The following CAPRIN1 variants were observed in gnomAD, a reference collection of about 807,000 sequenced individuals.
CAPRIN1 encodes the protein caprin-1.
CAPRIN1 carries 29 observed loss-of-function variants against 100.9 expected under a neutral mutation model. That is an observed-to-expected ratio of 0.29 (90% CI 0.21 to 0.39). The LOEUF (loss-of-function observed/expected upper bound fraction) is 0.39, where lower values mean the gene tolerates loss of function less well. Among genes scored for constraint, CAPRIN1 ranks in the 10% least tolerant of loss-of-function variants. CAPRIN1 has a pLI of 1.00. For synonymous variants in CAPRIN1, 338 were observed against 307.5 expected (o/e 1.10, Z -1.04); for missense variants, 795 against 876.7 (o/e 0.91, Z 1.18).
rs2134144548 is a variant in CAPRIN1, at chr11:34,102,569, G to A, written c.*3202G>A. Among the ~76,000 whole-genome samples, 1 of 152,262 alleles carries A rather than the reference G, an allele frequency of 6.6e-6. No individual in the cohort carries two copies. Among genetic ancestry groups the A allele is most frequent in the South Asian group, 2.1e-4 (1 of 4,824 alleles). On this transcript the variant is annotated 3_prime_UTR_variant, in exon 19 of 19. Transcript: ENST00000341394. Reference sequence around the variant, plus strand: ...CCTACAAAAATACTGCAAAAGACTAGTGAATGTTTAAAATTACACTAGATT... The same window carrying A: ...CCTACAAAAATACTGCAAAAGACTAATGAATGTTTAAAATTACACTAGATT...
chr11:34,077,850 C>G (rs1850936406), intron 6 of CAPRIN1, among the ~76,000 whole-genome samples: 1 of 152,128 alleles, frequency 6.6e-6, no homozygotes, highest in Non-Finnish European at 1.5e-5. Context: ...AACATTTACT[C>G]TGGTCTGTAT....
At chr11:34,071,458 T>C (rs1850803207) in intron 2 of CAPRIN1, among the ~76,000 whole-genome samples, 1 of 151,964 alleles carries the variant, frequency 6.6e-6, no homozygotes, top group Admixed American at 6.6e-5. Flanking sequence ...CCAGCTACTT[T>C]AGGGGCTGAT....
chr11:34,052,478 C>T lies in CAPRIN1; in HGVS notation c.58C>T (p.Pro20Ser), dbSNP rs777019072. 2 of 1,607,898 alleles carry T rather than the reference C, an allele frequency of 1.2e-6. No homozygotes were observed. Among genetic ancestry groups the T allele is most frequent in the African/African-American group, 1.3e-5 (1 of 74,694 alleles). ...SGSKSSGPPP[P>S]SGSSGSEAAA... ...CAGCAAGTCGTCCGGACCGCCACCGCCGTCGGGTTCCTCCGGGAGTGAGGC... is the reference window on the plus strand; with the variant it reads ...CAGCAAGTCGTCCGGACCGCCACCGTCGTCGGGTTCCTCCGGGAGTGAGGC... The change falls in exon 2 of 19, where the codon CCG becomes TCG. Residue 20 changes from proline (P) to serine (S), a missense_variant. By Grantham distance (74) the Pro-to-Ser change is moderately conservative. This residue lies in a region of CAPRIN1 where 109 missense variants were observed against 86.6 expected (regional missense o/e 1.26). Transcript: ENST00000341394.
At chr11:34,069,756 A>G (rs1850773413) in intron 2 of CAPRIN1, among the ~76,000 whole-genome samples, 1 of 152,090 alleles carries the variant, frequency 6.6e-6, no homozygotes, top group Admixed American at 6.5e-5. Flanking sequence ...AAAATTGGGT[A>G]CTATTAAAAG....
intron 15 of CAPRIN1, among the ~76,000 whole-genome samples, chr11:34,093,186 A>AT (rs1241480036): frequency 2.5e-4 from 11 of 44,720 alleles, no homozygotes; most frequent in Non-Finnish European, 4.0e-4. Context: ...GATACTTTAG[A>AT]TTTTTTTTTA....
chr11:34,073,757 T>C (rs1850850360), intron 4 of CAPRIN1, among the ~76,000 whole-genome samples: 1 of 152,136 alleles, frequency 6.6e-6, no homozygotes, highest in South Asian at 2.1e-4. Flanking sequence ...ACTTATTACA[T>C]CTGATCAGGG....
In CAPRIN1 at chr11:34,071,975, A is replaced by T. The variant is rs146805547; in HGVS notation, c.354A>T (p.Ala118=). 21 of 1,605,668 alleles carry T rather than the reference A, an allele frequency of 1.3e-5. No homozygotes were observed. The highest frequency in any genetic ancestry group is 1.7e-5 in the Non-Finnish European group (20 of 1,172,868). ...FAKELQRSFM[A]LSQDIQKTIK... The stretch of plus-strand genomic sequence containing the variant: ...AAGAATTACAGAGGAGTTTCATGGC[A>T]CTAAGTCAAGATGTAAGTAAAAGAA... The change falls in exon 4 of 19, where the codon GCA becomes GCT. Residue 118 remains alanine (A), a synonymous_variant. Transcript: ENST00000341394.
At chr11:34,088,633 A>G (rs1327783638) in intron 11 of CAPRIN1, among the ~76,000 whole-genome samples, 1 of 152,216 alleles carries the variant, frequency 6.6e-6, no homozygotes, top group Non-Finnish European at 1.5e-5. Context: ...TGATGGCGCC[A>G]CTGCACTCCA....
At chr11:34,067,661 G>A (rs1011946161) in intron 2 of CAPRIN1, among the ~76,000 whole-genome samples, 1 of 151,832 alleles carries the variant, frequency 6.6e-6, no homozygotes, top group Non-Finnish European at 1.5e-5. Context: ...TCCACGCCTC[G>A]GTAATTTTTA....
At chr11:34,063,427 C>T (rs1850623201) in intron 2 of CAPRIN1, 2 of 152,158 alleles carry the variant, frequency 1.3e-5, no homozygotes, top group South Asian at 4.1e-4. Flanking sequence ...AGTAATGCCT[C>T]CCTGATAGGT....
Position 34,052,528 on chromosome 11 carries a change from G to A in CAPRIN1, c.108G>A (p.Ala36=). 2 of 1,605,272 alleles carry A rather than the reference G, an allele frequency of 1.2e-6. No individual in the cohort carries two copies. Among genetic ancestry groups the A allele is most frequent in the South Asian group, 1.1e-5 (1 of 90,576 alleles). The change falls in exon 2 of 19, where the codon GCG becomes GCA. Residue 36 remains alanine (A), a synonymous_variant. Transcript: ENST00000341394. ...CGGCCGCGGGAGCCGGGGCCGCCGC[G>A]CCGGCTTCTCAGCACCCCGCAACCG... ...SEAAAGAGAA[A]PASQHPATGT...
intron 4 of CAPRIN1, among the ~76,000 whole-genome samples, chr11:34,072,771 A>C (rs933781849): frequency 1.3e-5 from 2 of 152,344 alleles, no homozygotes; most frequent in African/African-American, 4.8e-5. Context: ...GACTAATAAC[A>C]TTGAAATACA....
rs1412346802 is a variant in CAPRIN1, at chr11:34,101,917, A to G, written c.*2550A>G. 1.3e-5 allele frequency among the ~76,000 whole-genome samples: 2 copies of G among 152,234 alleles called. No individual in the cohort carries two copies. The highest frequency in any genetic ancestry group is 2.1e-4 in the South Asian group (1 of 4,828). On this transcript the variant is annotated 3_prime_UTR_variant, in exon 19 of 19. Transcript: ENST00000341394. Reference sequence around the variant, plus strand: ...CAAAATACTTTTGTATATGCATAATATAAATCATCTCATGTGGATATGAAA... The same window carrying G: ...CAAAATACTTTTGTATATGCATAATGTAAATCATCTCATGTGGATATGAAA...
chr11:34,084,530 C>T lies in CAPRIN1; in HGVS notation c.966+1489C>T, dbSNP rs141858777. On this transcript the variant is annotated intron_variant, in intron 9 of 18. Transcript: ENST00000341394. Reference sequence around the variant, plus strand: ...CCAGGGGCATTGGTTTTAGGACACTCCCACACACCGAAGTCTGCTCATACT... The same window carrying T: ...CCAGGGGCATTGGTTTTAGGACACTTCCACACACCGAAGTCTGCTCATACT... Among the ~76,000 whole-genome samples the T allele has an allele frequency of 2.6e-5, 4 of 152,278 alleles. No individual in the cohort carries two copies. The East Asian group carries it at 5.8e-4, about 22-fold the overall frequency.
intron 7 of CAPRIN1, among the ~76,000 whole-genome samples, chr11:34,080,738 A>C (rs113464558): frequency 7.2e-5 from 11 of 152,158 alleles, no homozygotes; most frequent in African/African-American, 1.2e-4. Flanking sequence ...TAGCTCTGTA[A>C]CTTTGGGCAA....
intron 4 of CAPRIN1, among the ~76,000 whole-genome samples, chr11:34,074,194 T>C (rs148000172): frequency 0.013 from 1,970 of 152,312 alleles, 26 homozygotes; most frequent in Middle Eastern, 0.02. Flanking sequence ...AATTTCTTTT[T>C]CTTGCTTTTT....
chr11:34,076,415 G>C lies in CAPRIN1; in HGVS notation c.546G>C (p.Glu182Asp), dbSNP rs759977134. 1.2e-6 allele frequency: 2 copies of C among 1,614,082 alleles called. No homozygotes were observed. The highest frequency in any genetic ancestry group is 1.7e-5 in the Admixed American group (1 of 60,008). ...GAGTGCCAATATTGTCCGAAGAGGA[G>C]TTGTCATTGTTGGATGAATTCTATA... is the stretch of plus-strand genomic sequence containing the variant. ...LNGVPILSEE[E>D]LSLLDEFYKL... Residue 182 changes from glutamate (E) to aspartate (D), a missense_variant, in exon 5 of 19, where the codon GAG becomes GAC. Physicochemically the swap from Glu to Asp is conservative, Grantham distance 45. This residue lies in a region of CAPRIN1 where 648 missense variants were observed against 697.9 expected (regional missense o/e 0.93). Transcript: ENST00000341394.
intron 2 of CAPRIN1, among the ~76,000 whole-genome samples, chr11:34,059,325 A>G (rs186944504): frequency 7.2e-4 from 108 of 150,640 alleles, no homozygotes; most frequent in Middle Eastern, 3.4e-3. Context: ...CTGGAGTGCA[A>G]TGGTGTGGTC....
At chr11:34,095,400 A>G (rs1466412341) in intron 15 of CAPRIN1, among the ~76,000 whole-genome samples, 1 of 152,232 alleles carries the variant, frequency 6.6e-6, no homozygotes, top group Non-Finnish European at 1.5e-5. Context: ...AAAAGATGAC[A>G]CCGATGTAGT....
Sources: allele counts gnomAD v4.1 joint callset (sites outside exome capture counted in the v4.1 genomes callset), GRCh38; gene constraint gnomAD v4.1.1; regional missense constraint gnomAD v4.1.1; transcripts MANE v1.5; gene names NCBI Gene and HGNC (gene_info 2026-07-23, HGNC 2026-07-21).